The following LRRTM3 variants were observed in gnomAD, a reference collection of about 807,000 sequenced individuals.
LRRTM3 encodes leucine rich repeat transmembrane neuronal 3, also known as leucine-rich repeat transmembrane neuronal protein 3.
In LRRTM3, 24 loss-of-function variants were observed where a neutral mutation model predicts 44.7. The observed-to-expected ratio is 0.54, with a 90% CI of 0.39 to 0.76. LRRTM3 has a LOEUF of 0.76. LRRTM3 is among the 30% of genes least tolerant of loss of function. The probability of loss-of-function intolerance (pLI) is 0.00; values close to 1 mark genes in which losing one functional copy is unlikely to be tolerated. For synonymous variants in LRRTM3, 277 were observed against 278.7 expected (o/e 0.99, Z 0.06); for missense variants, 587 against 702.2 (o/e 0.84, Z 1.85).
intron 2 of LRRTM3, among the ~76,000 whole-genome samples, chr10:66,933,623 C>A (rs1266601166): frequency 1.3e-5 from 2 of 152,122 alleles, no homozygotes; most frequent in Non-Finnish European, 2.9e-5. Context: ...ATGTTTCTCC[C>A]CTGGCCACTC....
At chr10:66,993,060 C>T (rs148868125) in intron 2 of LRRTM3, among the ~76,000 whole-genome samples, 1,997 of 152,122 alleles carry the variant, frequency 0.013, 45 homozygotes, top group African/African-American at 0.045. Flanking sequence ...CCACAAAATT[C>T]CGTTTCCCAT....
At position 66,926,786 on chromosome 10, in the gene LRRTM3, A is replaced by C. The variant is rs375280408; in HGVS notation, c.5-135A>C. The C allele has an allele frequency of 5.0e-5, 49 of 982,344 alleles. 1 individual carries two copies. In the African/African-American group the frequency reaches 6.7e-4, roughly 14 times the overall value. The allele number at this position is 982,344 out of a possible 1,614,324, so 60.9% of individuals were successfully genotyped here. On this transcript the variant is annotated intron_variant, in intron 1 of 2. Coordinates refer to ENST00000361320, the MANE Select transcript of LRRTM3 (RefSeq NM_178011.5). Reference sequence around the variant, plus strand: ...ACTAAAGACAATTCTCTTTAATTACAAAGAGATAATATGTGATGTTAAGTG... The same window carrying C: ...ACTAAAGACAATTCTCTTTAATTACCAAGAGATAATATGTGATGTTAAGTG...
intron 2 of LRRTM3, among the ~76,000 whole-genome samples, chr10:66,953,656 C>A (rs1848649982): frequency 6.6e-6 from 1 of 152,080 alleles, no homozygotes; most frequent in African/African-American, 2.4e-5. Context: ...TAGAGAATTT[C>A]ATCTATTTTC....
intron 2 of LRRTM3, among the ~76,000 whole-genome samples, chr10:67,067,886 A>G (rs887950541): frequency 6.6e-6 from 1 of 152,230 alleles, no homozygotes; most frequent in Non-Finnish European, 1.5e-5. Context: ...AAGTATGTAC[A>G]GGGTCCATTG....
At chr10:66,985,835 C>A (rs1564813245) in intron 2 of LRRTM3, among the ~76,000 whole-genome samples, 1 of 152,110 alleles carries the variant, frequency 6.6e-6, no homozygotes, top group Non-Finnish European at 1.5e-5. Flanking sequence ...TCAAGCGATT[C>A]TCATGCCTCA....
intron 2 of LRRTM3, among the ~76,000 whole-genome samples, chr10:67,015,859 T>C (rs1852623777): frequency 6.6e-6 from 1 of 152,190 alleles, no homozygotes; most frequent in Non-Finnish European, 1.5e-5. Flanking sequence ...CATTTCATTT[T>C]GTCAGATTTT....
chr10:67,077,243 T>G (rs1174549322), intron 2 of LRRTM3, among the ~76,000 whole-genome samples: 1 of 152,174 alleles, frequency 6.6e-6, no homozygotes, highest in Non-Finnish European at 1.5e-5. Flanking sequence ...TTGTTGTCCC[T>G]CCTCTCCAGA....
intron 2 of LRRTM3, among the ~76,000 whole-genome samples, chr10:67,021,376 C>A (rs1853005285): frequency 6.6e-6 from 1 of 151,952 alleles, no homozygotes; most frequent in Non-Finnish European, 1.5e-5. Context: ...GTAAATAATA[C>A]TTTTGGAAAG....
intron 2 of LRRTM3, among the ~76,000 whole-genome samples, chr10:67,040,518 TTTACTCTCTC>T (rs1854327145): frequency 6.6e-6 from 1 of 152,084 alleles, no homozygotes; most frequent in Non-Finnish European, 1.5e-5. Flanking sequence ...CATGGTGACA[TTTACTCTCTC>T]TTACCCACTC....
chr10:67,097,918 A>G lies in LRRTM3; in HGVS notation c.*122A>G. 2 of 816,322 alleles carry G rather than the reference A, an allele frequency of 2.5e-6. No homozygotes were observed. Among genetic ancestry groups the G allele is most frequent in the African/African-American group, 1.7e-5 (1 of 57,662 alleles). The allele number at this position is 816,322 out of a possible 1,614,324, so 50.6% of individuals were successfully genotyped here. A position where few individuals can be genotyped will look rare whatever the true frequency, so the allele number is the denominator to read the frequency against. On this transcript the variant is annotated 3_prime_UTR_variant, in exon 3 of 3. Coordinates refer to ENST00000361320, the MANE Select transcript of LRRTM3 (RefSeq NM_178011.5). ...AAACACAAAATCCCCTGTTCAAATAAACAAAAAATCCAAGATTGATTCATG... is the reference window on the plus strand; with the variant it reads ...AAACACAAAATCCCCTGTTCAAATAGACAAAAAATCCAAGATTGATTCATG...
At chr10:66,981,301 C>T (rs559613638) in intron 2 of LRRTM3, among the ~76,000 whole-genome samples, 1 of 152,246 alleles carries the variant, frequency 6.6e-6, no homozygotes, top group East Asian at 1.9e-4. Flanking sequence ...GTTTTCTTTA[C>T]ACCTTCATCT....
rs1305161853 is a variant in LRRTM3, at chr10:67,027,440, T to TTTC, written c.1537-70145_1537-70144insCTT. Among the ~76,000 whole-genome samples the TTTC allele has an allele frequency of 3.3e-5, 5 of 150,560 alleles. No homozygotes were observed. The South Asian group carries it at 6.4e-4, about 19-fold the overall frequency. ...TGCCTTTTTTTTCTTTCATGACTTT[T>TTTC]TTTTTTTTTTTTGATACACAGTCTC... On this transcript the variant is annotated intron_variant, in intron 2 of 2. Coordinates refer to ENST00000361320, the MANE Select transcript of LRRTM3 (RefSeq NM_178011.5).
intron 2 of LRRTM3, among the ~76,000 whole-genome samples, chr10:67,081,535 T>C (rs1016573691): frequency 7.9e-5 from 12 of 152,228 alleles, no homozygotes; most frequent in African/African-American, 2.9e-4. Context: ...ATAAATGATA[T>C]AAATTGACCC....
chr10:66,971,871 A>AT (rs569495600), intron 2 of LRRTM3, among the ~76,000 whole-genome samples: 3 of 151,568 alleles, frequency 2.0e-5, no homozygotes, highest in Admixed American at 1.3e-4. Flanking sequence ...AGCCAAAATC[A>AT]TTTTTTTTCA....
At chr10:66,928,706 C>A (rs970111948) in intron 2 of LRRTM3, among the ~76,000 whole-genome samples, 1 of 152,164 alleles carries the variant, frequency 6.6e-6, no homozygotes, top group Non-Finnish European at 1.5e-5. Context: ...TAATATAATA[C>A]CTATTGTATA....
At chr10:66,978,592 T>C (rs1850222650) in intron 2 of LRRTM3, among the ~76,000 whole-genome samples, 1 of 140,908 alleles carries the variant, frequency 7.1e-6, no homozygotes, top group Non-Finnish European at 1.5e-5. Context: ...CTTAATATTT[T>C]TAAGGGAGTA....
chr10:66,956,818 C>G (rs974913107), intron 2 of LRRTM3, among the ~76,000 whole-genome samples: 3 of 152,202 alleles, frequency 2.0e-5, no homozygotes, highest in Admixed American at 1.3e-4. Context: ...ACAGGCTCAA[C>G]AGTAACCAAT....
intron 2 of LRRTM3, among the ~76,000 whole-genome samples, chr10:66,992,224 G>A (rs1851081255): frequency 6.6e-6 from 1 of 152,122 alleles, no homozygotes; most frequent in Admixed American, 6.5e-5. Flanking sequence ...GCTGTGAGAT[G>A]CAATTTTATT....
chr10:67,065,954 G>A (rs150624691), intron 2 of LRRTM3, among the ~76,000 whole-genome samples: 13 of 151,672 alleles, frequency 8.6e-5, no homozygotes, highest in African/African-American at 2.9e-4. Flanking sequence ...AAAAAAATAT[G>A]CCACCAAGTA....
Sources: allele counts gnomAD v4.1 joint callset (sites outside exome capture counted in the v4.1 genomes callset), GRCh38; gene constraint gnomAD v4.1.1; transcripts MANE v1.5; gene names NCBI Gene and HGNC (gene_info 2026-07-23, HGNC 2026-07-21).